The following GTF2H3 variants were observed in gnomAD, a reference collection of about 807,000 sequenced individuals.
GTF2H3 encodes the protein TFIIH basal transcription factor complex p34 subunit.
A neutral mutation model predicts 51.1 loss-of-function variants in GTF2H3; 42 were observed. The ratio of observed to expected loss-of-function variants is 0.82; its 90% CI spans 0.64 to 1.06. The LOEUF (loss-of-function observed/expected upper bound fraction) is 1.06. Ranked by LOEUF, GTF2H3 falls within the 50% of genes least tolerant of loss-of-function variation. The pLI is 0.00. For synonymous variants in GTF2H3, 123 were observed against 123.8 expected, an observed-to-expected ratio of 0.99 and a Z score of 0.04; for missense variants, 326 against 366.1, an observed-to-expected ratio of 0.89 and a Z score of 0.89.
intron 10 of GTF2H3, 55 bp downstream of exon 10, chr12:123,659,639 T>A: frequency 1.3e-6 from 2 of 1,567,846 alleles, no homozygotes; most frequent in Non-Finnish European, 1.8e-6. Flanking sequence ...GACCTCTGTG[T>A]CCTGGGAAAG....
At position 123,659,957 on chromosome 12, in the gene GTF2H3, T is replaced by G. The variant is rs747590130; in HGVS notation, c.820+27T>G. 1.4e-5 allele frequency: 22 copies of G among 1,607,642 alleles called. No individual in the cohort carries two copies. In the Admixed American group the frequency reaches 3.1e-4, roughly 22 times the overall value. On this transcript the variant is annotated intron_variant, in intron 11 of 12. Transcript: ENST00000543341. Reference sequence around the variant, plus strand: ...TAAGTTAATGTACCTAGTTTTTCTTTTTTTTCTATGTTGGGGGGCAGGAAA... The same window carrying G: ...TAAGTTAATGTACCTAGTTTTTCTTGTTTTTCTATGTTGGGGGGCAGGAAA...
chr12:123,659,166 A>G (rs1160492548), intron 9 of GTF2H3, among the ~76,000 whole-genome samples: 6 of 152,238 alleles, frequency 3.9e-5, no homozygotes, highest in Non-Finnish European at 5.9e-5. Flanking sequence ...AAAGTTAAGC[A>G]TAGAATTACC....
At chr12:123,659,445 C>CA in intron 9 of GTF2H3, 71 bp from the exon 10 acceptor site, 2 of 1,183,788 alleles carry the variant, frequency 1.7e-6, no homozygotes, top group East Asian at 4.7e-5. Context: ...AGGCATTGCT[C>CA]ATGAGAACCT....
chr12:123,638,379 C>T (rs1320039675), intron 1 of GTF2H3, among the ~76,000 whole-genome samples: 2 of 151,674 alleles, frequency 1.3e-5, no homozygotes, highest in East Asian at 1.9e-4. Context: ...ACATGTTGGC[C>T]GGGCTGGTCT....
At chr12:123,659,160 T>A (rs1178624653) in intron 9 of GTF2H3, among the ~76,000 whole-genome samples, 1 of 152,168 alleles carries the variant, frequency 6.6e-6, no homozygotes. Flanking sequence ...CCTCGAAAAG[T>A]TAAGCATAGA....
intron 2 of GTF2H3, among the ~76,000 whole-genome samples, chr12:123,644,438 C>T (rs569513801): frequency 7.9e-5 from 12 of 152,082 alleles, no homozygotes; most frequent in African/African-American, 2.4e-4. Flanking sequence ...GAGGCCGAGG[C>T]GGGCGGATCA....
At chr12:123,638,062 A>AGT (rs1466798431) in intron 1 of GTF2H3, among the ~76,000 whole-genome samples, 1 of 152,074 alleles carries the variant, frequency 6.6e-6, no homozygotes, top group African/African-American at 2.4e-5. Flanking sequence ...CATTGGCAGG[A>AGT]ACATGGCTCA....
In GTF2H3 at chr12:123,660,077, G is replaced by T. The variant is rs756617783; in HGVS notation, c.852G>T (p.Thr284=). 2 of 1,606,572 alleles carry T rather than the reference G, an allele frequency of 1.2e-6. No individual in the cohort carries two copies. Among genetic ancestry groups the T allele is most frequent in the Non-Finnish European group, 1.7e-6 (2 of 1,178,352 alleles). The change falls in exon 12 of 13, where the codon ACG becomes ACT. Residue 284 remains threonine, a synonymous_variant. Transcript: ENST00000543341. ...GCAATTTCAGCCCCATTTGTACTACGTGCGAGTAAGTATCTTTGAGATTGT... is the reference window on the plus strand; with the variant it reads ...GCAATTTCAGCCCCATTTGTACTACTTGCGAGTAAGTATCTTTGAGATTGT... ...IFCNFSPICT[T]CETAFKISLP...
At position 123,651,835 on chromosome 12, in the gene GTF2H3, A is replaced by G. The variant is rs11572972; in HGVS notation, c.428-697A>G. ...ACTACATCTCAAAAAAAAAAAAAAG[A>G]AAAAAAGATAAGCTGTAAAAACTGG... On this transcript the variant is annotated intron_variant, in intron 5 of 12. Transcript: ENST00000543341. Among the ~76,000 whole-genome samples the G allele has an allele frequency of 2.4e-3, 366 of 151,694 alleles. 12 individuals are homozygous for G. The East Asian group carries it at 0.062, about 26-fold the overall frequency.
chr12:123,659,250 C>A, intron 9 of GTF2H3: 1 of 400,764 alleles, frequency 2.5e-6, no homozygotes, highest in Non-Finnish European at 4.6e-6. Flanking sequence ...GCCTGTAATC[C>A]CAGTTACTGG....
Position 123,648,135 on chromosome 12 carries a change from T to G in GTF2H3, c.364+9T>G. 6.4e-7 allele frequency: 1 copy of G among 1,566,932 alleles called. No individual in the cohort carries two copies. The highest frequency in any genetic ancestry group is 2.3e-5 in the East Asian group (1 of 44,320). Reference sequence around the variant, plus strand: ...AGATCTAATGACCAAAAGTAACAACTTTTAAACATTGTTATTTTGCAAATA... The same window carrying G: ...AGATCTAATGACCAAAAGTAACAACGTTTAAACATTGTTATTTTGCAAATA... On this transcript the variant is annotated intron_variant, in intron 4 of 12. Transcript: ENST00000543341.
At chr12:123,641,923 G>A (rs112368000) in intron 2 of GTF2H3, among the ~76,000 whole-genome samples, 7,296 of 151,942 alleles carry the variant, frequency 0.048, 302 homozygotes, top group African/African-American at 0.11. Flanking sequence ...GCACGATCTC[G>A]GCTCCCTGCA....
chr12:123,644,355 T>C (rs1230000794), intron 2 of GTF2H3, among the ~76,000 whole-genome samples: 1 of 152,186 alleles, frequency 6.6e-6, no homozygotes, highest in African/African-American at 2.4e-5. Flanking sequence ...GGATATTCTT[T>C]ATTTGTTTTT....
intron 4 of GTF2H3, 159 bp downstream of exon 4, chr12:123,648,285 C>T (rs1372468524): frequency 3.7e-6 from 2 of 537,986 alleles, no homozygotes; most frequent in African/African-American, 3.9e-5. Context: ...TTTGCCTAGC[C>T]TCTACAGCAT....
At chr12:123,649,931 G>T (rs1955499470) in intron 4 of GTF2H3, 1 of 152,202 alleles carries the variant, frequency 6.6e-6, no homozygotes, top group Admixed American at 6.5e-5. Context: ...CAGCTGGAAG[G>T]CTTGTTGAAA....
At chr12:123,644,257 CT>C (rs2135784789) in intron 2 of GTF2H3, among the ~76,000 whole-genome samples, 1 of 151,992 alleles carries the variant, frequency 6.6e-6, no homozygotes, top group South Asian at 2.1e-4. Flanking sequence ...AGAAGTTTCT[CT>C]GAACATATGA....
chr12:123,659,879 T>C lies in GTF2H3; in HGVS notation c.769T>C (p.Cys257Arg). The stretch of plus-strand genomic sequence containing the variant: ...TGTTGACTACAGGGCTGCTTGCTTC[T>C]GTCATCGAAATCTCATTGAAATTGG... The part of the protein sequence containing the change: ...VHVDYRAACF[C>R]HRNLIEIGYV... Residue 257 changes from cysteine to arginine, a missense_variant, in exon 11 of 13, where the codon TGT becomes CGT. Coordinates refer to ENST00000543341, the MANE Select transcript of GTF2H3 (RefSeq NM_001516.5). 1 of 1,614,184 alleles carries C rather than the reference T, an allele frequency of 6.2e-7. No individual in the cohort carries two copies. The highest frequency in any genetic ancestry group is 8.5e-7 in the Non-Finnish European group (1 of 1,180,000).
chr12:123,657,064 C>T (rs1188819333), intron 9 of GTF2H3, among the ~76,000 whole-genome samples: 2 of 152,048 alleles, frequency 1.3e-5, no homozygotes, highest in Non-Finnish European at 2.9e-5. Context: ...TCCAGGGAAA[C>T]CCTGTCTCCC....
At chr12:123,657,805 C>G (rs892170405) in intron 9 of GTF2H3, among the ~76,000 whole-genome samples, 3 of 152,224 alleles carry the variant, frequency 2.0e-5, no homozygotes, top group African/African-American at 7.2e-5. Flanking sequence ...CAGGACTGTA[C>G]TATCAGAGGA....
Sources: gnomAD v4.1 joint callset for allele counts (sites outside exome capture counted in the v4.1 genomes callset) on GRCh38, gnomAD v4.1.1 for gene constraint, MANE v1.5 for transcripts, NCBI Gene and HGNC (gene_info 2026-07-23, HGNC 2026-07-21) for gene names.